The following COA1 variants were observed in gnomAD, a reference collection of about 807,000 sequenced individuals.
COA1 encodes the protein cytochrome c oxidase assembly factor 1.
In COA1, 13 loss-of-function variants were observed where a neutral mutation model predicts 16.0. That is an observed-to-expected ratio of 0.81 (90% CI 0.53 to 1.29). The LOEUF (loss-of-function observed/expected upper bound fraction) is 1.29, where lower values mean the gene tolerates loss of function less well. COA1 is among the 50% of genes most tolerant of loss of function. The probability of loss-of-function intolerance (pLI) is 0.00; values close to 1 mark genes in which losing one functional copy is unlikely to be tolerated. For synonymous variants in COA1, 65 were observed against 65.7 expected, an observed-to-expected ratio of 0.99 and a Z score of 0.05; for missense variants, 179 against 177.0, an observed-to-expected ratio of 1.01 and a Z score of -0.06.
intron 6 of COA1, chr7:43,631,948 G>A (rs1189281300): frequency 6.6e-6 from 1 of 152,172 alleles, no homozygotes; most frequent in Non-Finnish European, 1.5e-5. Context: ...GAGGAGGGTA[G>A]GAAAAGATAA....
intron 1 of COA1, among the ~76,000 whole-genome samples, chr7:43,681,261 C>T (rs1346983609): frequency 6.6e-6 from 1 of 152,170 alleles, no homozygotes; most frequent in African/African-American, 2.4e-5. Context: ...TTGGCTATTG[C>T]ATTTTTAGAT....
intron 4 of COA1, among the ~76,000 whole-genome samples, chr7:43,644,741 GATA>G (rs1373301090): frequency 5.3e-4 from 56 of 104,878 alleles, no homozygotes; most frequent in African/African-American, 1.8e-3. Context: ...TAGATAGATA[GATA>G]GATAGATAGA....
chr7:43,640,561 T>C lies in COA1; in HGVS notation c.341+12A>G. ...CTCCCGCTCCCCCACTGCCGTCACCTTCCCAGGATACCTCTGAAAGGGGCC... is the reference window on the plus strand; with the variant it reads ...CTCCCGCTCCCCCACTGCCGTCACCCTCCCAGGATACCTCTGAAAGGGGCC... On this transcript the variant is annotated intron_variant, in intron 5 of 5. Coordinates refer to ENST00000223336, the MANE Select transcript of COA1 (RefSeq NM_018224.4). 6.3e-7 allele frequency: 1 copy of C among 1,594,646 alleles called. No homozygotes were observed. The highest frequency in any genetic ancestry group is 1.1e-5 in the South Asian group (1 of 88,578).
chr7:43,665,456 A>C (rs922515423), intron 1 of COA1, among the ~76,000 whole-genome samples: 14 of 152,230 alleles, frequency 9.2e-5, no homozygotes, highest in Non-Finnish European at 1.8e-4. Flanking sequence ...TGCTTAGGTA[A>C]ACATTCACAT....
chr7:43,722,599 C>T (rs1427574025), intron 1 of COA1, among the ~76,000 whole-genome samples: 2 of 151,878 alleles, frequency 1.3e-5, no homozygotes, highest in African/African-American at 4.8e-5. Context: ...GACGGGGTTT[C>T]ACCATGTTGG....
At chr7:43,695,613 A>G (rs849160) in intron 1 of COA1, among the ~76,000 whole-genome samples, 125,653 of 152,000 alleles carry the variant, frequency 0.83, 52,461 homozygotes, top group African/African-American at 0.94. Flanking sequence ...ATGAATGAAT[A>G]GTGCTTACAC....
At chr7:43,624,927 C>G in intron 6 of COA1, 1 of 1,206,270 alleles carries the variant, frequency 8.3e-7, no homozygotes. Context: ...GGTACATGTA[C>G]TGGAAGTGGA....
At chr7:43,645,895 C>T (rs2089154284) in intron 3 of COA1, 1 of 154,124 alleles carries the variant, frequency 6.5e-6, no homozygotes, top group Non-Finnish European at 1.4e-5. Context: ...ACAACATTAA[C>T]AACAAAACCC....
chr7:43,609,501 A>G (rs979248566), intron 6 of COA1: 2 of 152,290 alleles, frequency 1.3e-5, no homozygotes, highest in Admixed American at 6.5e-5. Flanking sequence ...TGTTTCTGAA[A>G]GAACAAAGAA....
At chr7:43,654,345 TAACA>T (rs1386943987) in intron 1 of COA1, among the ~76,000 whole-genome samples, 1 of 152,034 alleles carries the variant, frequency 6.6e-6, no homozygotes, top group Non-Finnish European at 1.5e-5. Context: ...AGCGGTGCAA[TAACA>T]AACTCACTCT....
At chr7:43,638,566 C>CTTTTTTTTTTT (rs746584234), downstream of COA1, among the ~76,000 whole-genome samples, 21 of 97,420 alleles carry the variant, frequency 2.2e-4, no homozygotes, top group East Asian at 5.1e-4. Flanking sequence ...TTTTTCTTTC[C>CTTTTTTTTTTT]TTTTTTTTTT....
At chr7:43,690,588 A>G (rs1177963731) in intron 1 of COA1, among the ~76,000 whole-genome samples, 1 of 152,234 alleles carries the variant, frequency 6.6e-6, no homozygotes, top group Non-Finnish European at 1.5e-5. Context: ...GAAGTAACTC[A>G]GGAACGGAAA....
chr7:43,645,549 A>C, intron 3 of COA1, 150 bp from the exon 4 acceptor site: 1 of 695,200 alleles, frequency 1.4e-6, no homozygotes, highest in Non-Finnish European at 2.4e-6. Context: ...ATCTACTCTA[A>C]ATTGTCCATT....
At chr7:43,630,192 A>ATAATC (rs539330720) in intron 6 of COA1, among the ~76,000 whole-genome samples, 1 of 152,196 alleles carries the variant, frequency 6.6e-6, no homozygotes, top group Non-Finnish European at 1.5e-5. Flanking sequence ...CCAGGCAATT[A>ATAATC]TAATCTAAAT....
chr7:43,652,618 C>G (rs941223814), intron 1 of COA1, among the ~76,000 whole-genome samples: 6 of 152,200 alleles, frequency 3.9e-5, no homozygotes, highest in African/African-American at 1.4e-4. Flanking sequence ...GTAGGATGTG[C>G]TGTCCAAAAG....
intron 6 of COA1, among the ~76,000 whole-genome samples, chr7:43,630,368 T>C (rs2085053801): frequency 6.6e-6 from 1 of 152,180 alleles, no homozygotes. Flanking sequence ...TTCCTAAATA[T>C]GTTAGCAGCA....
chr7:43,673,442 G>C lies in COA1; in HGVS notation c.-38-24790C>G, dbSNP rs533146576. Among the ~76,000 whole-genome samples the C allele has an allele frequency of 6.6e-4, 101 of 152,172 alleles. 1 individual carries two copies. The highest frequency in any genetic ancestry group is 8.8e-5 in the Non-Finnish European group (6 of 68,026). ...TAAATGCAAATGAAAACCACAATGA[G>C]ATACCATCTCACAGCAGTGAAAATG... On this transcript the variant is annotated intron_variant, in intron 1 of 5. Transcript: ENST00000223336.
At chr7:43,718,111 C>T (rs1050887363) in intron 1 of COA1, among the ~76,000 whole-genome samples, 1 of 152,190 alleles carries the variant, frequency 6.6e-6, no homozygotes, top group Non-Finnish European at 1.5e-5. Flanking sequence ...GTACTGCCAA[C>T]TTTAGGACTT....
At chr7:43,629,374 A>C (rs1449221412) in intron 6 of COA1, among the ~76,000 whole-genome samples, 6 of 152,208 alleles carry the variant, frequency 3.9e-5, no homozygotes, top group Non-Finnish European at 8.8e-5. Flanking sequence ...GGATTCACTG[A>C]ATCTATAAGT....
Sources: allele counts gnomAD v4.1 joint callset (sites outside exome capture counted in the v4.1 genomes callset), GRCh38; gene constraint gnomAD v4.1.1; transcripts MANE v1.5; gene names NCBI Gene and HGNC (gene_info 2026-07-23, HGNC 2026-07-21).